Variants in KCNC1 observed in about 807,000 individuals in gnomAD.
The protein encoded by KCNC1 is voltage-gated potassium channel KCNC1.
Under a neutral mutation model 43.4 loss-of-function variants are expected in KCNC1, and 8 were observed. That is an observed-to-expected ratio of 0.18 (90% CI 0.11 to 0.33). The LOEUF (loss-of-function observed/expected upper bound fraction) is 0.33. Among genes scored for constraint, KCNC1 ranks in the 10% least tolerant of loss-of-function variants. The pLI, the probability that KCNC1 is intolerant of heterozygous loss-of-function variation, is 1.00. For missense variants in KCNC1, 420 were observed against 836.0 expected, an observed-to-expected ratio of 0.50 and a Z score of 6.14; for synonymous variants, 361 against 360.5, an observed-to-expected ratio of 1.00 and a Z score of -0.01.
intron 1 of KCNC1, among the ~76,000 whole-genome samples, chr11:17,748,301 G>C (rs1378364583): frequency 6.6e-6 from 1 of 152,158 alleles, no homozygotes; most frequent in East Asian, 1.9e-4. Flanking sequence ...AAAGCCCTGA[G>C]CAGCTGTGTG....
intron 1 of KCNC1, chr11:17,765,833 C>T (rs903340331): frequency 1.3e-5 from 2 of 152,318 alleles, no homozygotes; most frequent in African/African-American, 4.8e-5. Flanking sequence ...AGGCCTGGAT[C>T]CTGGGTGTGG....
chr11:17,771,589 GGGACT>G lies in KCNC1; in HGVS notation c.571-71_571-67del. The G allele has an allele frequency of 7.6e-7, 1 of 1,321,410 alleles. No homozygotes were observed. The allele number at this position is 1,321,410 out of a possible 1,614,324, so 81.9% of individuals were successfully genotyped here. A position where few individuals can be genotyped will look rare whatever the true frequency, so the allele number is the denominator to read the frequency against. On this transcript the variant is annotated intron_variant, in intron 1 of 3. Coordinates refer to ENST00000265969, the MANE Select transcript of KCNC1 (RefSeq NM_001112741.2). This position sits in a 1 kb window ranked among gnomAD's most constrained non-coding sequence, Gnocchi z 4.7. The stretch of plus-strand genomic sequence containing the variant: ...CTGGCATCTCCCCCCGCCTGGCCCT[GGGACT>G]GGACAGAGGCAACCCAGGCTTCTCC...
chr11:17,747,436 C>T (rs1250688832), intron 1 of KCNC1, among the ~76,000 whole-genome samples: 3 of 152,178 alleles, frequency 2.0e-5, no homozygotes, highest in Admixed American at 6.5e-5. Context: ...CCTCAGATGC[C>T]GACAAGTGTG....
intron 1 of KCNC1, among the ~76,000 whole-genome samples, chr11:17,748,876 G>T (rs554888265): frequency 6.6e-6 from 1 of 152,308 alleles, no homozygotes; most frequent in East Asian, 1.9e-4. Flanking sequence ...CTTCCTGAAG[G>T]TCTGTGGTGC....
Position 17,777,315 on chromosome 11 carries a change from G to GGAT in KCNC1, c.1505-2139_1505-2137dup. On this transcript the variant is annotated intron_variant, in intron 2 of 3. Coordinates refer to ENST00000265969, the MANE Select transcript of KCNC1 (RefSeq NM_001112741.2). This position sits in a 1 kb window ranked among gnomAD's most constrained non-coding sequence, Gnocchi z 4.3. Reference sequence around the variant, plus strand: ...GGCTGTGGACACCTCCCCTGGCAGAGGATGGCCAACAGAGACTCAGCAAGT... The same window carrying GGAT: ...GGCTGTGGACACCTCCCCTGGCAGAGGATGATGGCCAACAGAGACTCAGCAAGT... The GGAT allele has an allele frequency of 1.0e-6, 1 of 985,880 alleles. No homozygotes were observed. Among genetic ancestry groups the GGAT allele is most frequent in the Non-Finnish European group, 1.2e-6 (1 of 829,982 alleles). The allele number at this position is 985,880 out of a possible 1,614,324, so 61.1% of individuals were successfully genotyped here. A position where few individuals can be genotyped will look rare whatever the true frequency, so the allele number is the denominator to read the frequency against.
rs1012329839 is a variant in KCNC1, at chr11:17,777,824, CTTT to C, written c.1505-1630_1505-1628del. 7.1e-6 allele frequency: 7 copies of C among 986,340 alleles called. No individual in the cohort carries two copies. Among genetic ancestry groups the C allele is most frequent in the Non-Finnish European group, 8.4e-6 (7 of 830,084 alleles). The allele number at this position is 986,340 out of a possible 1,614,324, so 61.1% of individuals were successfully genotyped here. On this transcript the variant is annotated intron_variant, in intron 2 of 3. Transcript: ENST00000265969. This position sits in a 1 kb window ranked among gnomAD's most constrained non-coding sequence, Gnocchi z 4.3. ...GAATAAATCTGATTGGTCCATTTCT[CTTT>C]TGACTGACTGCCTCTTTGTAGTGAC...
chr11:17,763,815 ACAC>A (rs1222010295), intron 1 of KCNC1, among the ~76,000 whole-genome samples: 1 of 130,268 alleles, frequency 7.7e-6, no homozygotes, highest in African/African-American at 3.0e-5. Flanking sequence ...AGACCCCCAC[ACAC>A]CACCTCACAC....
chr11:17,740,087 C>CT (rs1471525957), intron 1 of KCNC1, among the ~76,000 whole-genome samples: 3 of 152,194 alleles, frequency 2.0e-5, no homozygotes, highest in Admixed American at 2.0e-4. Flanking sequence ...GCCACCTACC[C>CT]TGGGCCTTGG....
chr11:17,775,901 G>C, intron 2 of KCNC1: 5 of 985,548 alleles, frequency 5.1e-6, no homozygotes, highest in Non-Finnish European at 6.0e-6. Flanking sequence ...TTTGGCAAAG[G>C]GGTCTAAAGT....
In KCNC1 at chr11:17,779,293, AG is replaced by A. The variant is rs1849319851; in HGVS notation, c.1505-162del. 2 of 571,580 alleles carry A rather than the reference AG, an allele frequency of 3.5e-6. No individual in the cohort carries two copies. Among genetic ancestry groups the A allele is most frequent in the Non-Finnish European group, 6.0e-6 (2 of 332,506 alleles). The allele number at this position is 571,580 out of a possible 1,614,324, so 35.4% of individuals were successfully genotyped here. A position where few individuals can be genotyped will look rare whatever the true frequency, so the allele number is the denominator to read the frequency against. Reference sequence around the variant, plus strand: ...CCTGAATGAGCTGAACCCCCCACCAAGCCCCCTGCCTTGTGCCCTCCTCGCT... The same window carrying A: ...CCTGAATGAGCTGAACCCCCCACCAACCCCCTGCCTTGTGCCCTCCTCGCT... On this transcript the variant is annotated intron_variant, in intron 2 of 3. Transcript: ENST00000265969. This position sits in a 1 kb window ranked among gnomAD's most constrained non-coding sequence, Gnocchi z 7.2.
rs986097223 is a variant in KCNC1 at position 17,772,786 on chromosome 11, G to C, written c.1504+188G>C. On this transcript the variant is annotated intron_variant, in intron 2 of 3. Transcript: ENST00000265969. The stretch of plus-strand genomic sequence containing the variant: ...GGCCAAATTCAGCAGGCAAGAGCCT[G>C]CTAGAGGAACCTCACTGGTGCCCCT... 2.0e-6 allele frequency: 3 copies of C among 1,470,384 alleles called. No homozygotes were observed. In the African/African-American group the frequency reaches 4.2e-5, roughly 21 times the overall value. The allele number at this position is 1,470,384 out of a possible 1,614,324, so 91.1% of individuals were successfully genotyped here. A position where few individuals can be genotyped will look rare whatever the true frequency, so the allele number is the denominator to read the frequency against.
At chr11:17,775,575 C>T (rs1590108155) in intron 2 of KCNC1, 2 of 985,432 alleles carry the variant, frequency 2.0e-6, no homozygotes, top group Non-Finnish European at 2.4e-6. Flanking sequence ...ACTTCTCTCC[C>T]AGAAAGGGGC....
chr11:17,756,378 C>T (rs1296696356), intron 1 of KCNC1, among the ~76,000 whole-genome samples: 2 of 152,110 alleles, frequency 1.3e-5, no homozygotes, highest in Non-Finnish European at 2.9e-5. Context: ...GCTGTTTTTG[C>T]TCACCCTATA....
At chr11:17,765,362 G>C (rs1415552737) in intron 1 of KCNC1, among the ~76,000 whole-genome samples, 1 of 152,254 alleles carries the variant, frequency 6.6e-6, no homozygotes, top group Non-Finnish European at 1.5e-5. Context: ...ATAAATGAAA[G>C]TCATAGCACA....
At chr11:17,748,035 A>G (rs1848921062) in intron 1 of KCNC1, among the ~76,000 whole-genome samples, 1 of 152,214 alleles carries the variant, frequency 6.6e-6, no homozygotes, top group Non-Finnish European at 1.5e-5. Flanking sequence ...AGCATCTACT[A>G]TGTGACAGGT....
In KCNC1 at chr11:17,779,615, C is replaced by T. The variant is rs1006803225; in HGVS notation, c.1664C>T (p.Ala555Val). Residue 555 changes from alanine (A) to valine (V), a missense_variant, in exon 3 of 4, where the codon GCG becomes GTG. Ala to Val is a moderately conservative substitution (Grantham distance 64, BLOSUM62 0). Transcript: ENST00000265969. The surrounding 1 kb of genome is among the most constrained non-coding windows in gnomAD (Gnocchi z 7.2). ...TTCCTCTTATCAACCGGGGAGTACG[C>T]GTGCCCACCTGGTGGAGGAATGAGA... ...PCFLLSTGEY[A>V]CPPGGGMRKD... The T allele has an allele frequency of 1.7e-5, 26 of 1,549,406 alleles. No homozygotes were observed. The highest frequency in any genetic ancestry group is 2.0e-5 in the Admixed American group (1 of 50,460).
chr11:17,762,560 C>T (rs889396557), intron 1 of KCNC1, among the ~76,000 whole-genome samples: 10 of 152,314 alleles, frequency 6.6e-5, no homozygotes, highest in South Asian at 6.2e-4. Flanking sequence ...TGTGACGTCA[C>T]GGTCCTGCCG....
In KCNC1 at chr11:17,739,130, C is replaced by T. The variant is rs543327714; in HGVS notation, c.570+2558C>T. Among the ~76,000 whole-genome samples the T allele has an allele frequency of 6.6e-5, 10 of 152,262 alleles. No individual in the cohort carries two copies. The South Asian group carries it at 8.3e-4, about 13-fold the overall frequency. On this transcript the variant is annotated intron_variant, in intron 1 of 3. Transcript: ENST00000265969. This position sits in a 1 kb window ranked among gnomAD's most constrained non-coding sequence, Gnocchi z 4.2. The stretch of plus-strand genomic sequence containing the variant: ...TCCTCCCCCTCTGTCTTTGCTCTGC[C>T]GCCTCTGCTGTCACCTTTGTTTACC...
rs1351333008 is a variant in KCNC1 at position 17,739,360 on chromosome 11, G to T, written c.570+2788G>T. Among the ~76,000 whole-genome samples the T allele has an allele frequency of 9.8e-6, 1 of 102,352 alleles. No individual in the cohort carries two copies. Among genetic ancestry groups the T allele is most frequent in the African/African-American group, 3.5e-5 (1 of 28,602 alleles). 67.1% of individuals were successfully genotyped at this position (102,352 alleles called of 152,430 possible). A position where few individuals can be genotyped will look rare whatever the true frequency, so the allele number is the denominator to read the frequency against. ...GTGTGAGAATAAATGTGAGACTCCA[G>T]GCGTGTGTGTGTGTGTGTGTGTGTG... On this transcript the variant is annotated intron_variant, in intron 1 of 3. Coordinates refer to ENST00000265969, the MANE Select transcript of KCNC1 (RefSeq NM_001112741.2). This position sits in a 1 kb window ranked among gnomAD's most constrained non-coding sequence, Gnocchi z 4.2.
Sources: allele counts gnomAD v4.1 joint callset (sites outside exome capture counted in the v4.1 genomes callset), GRCh38; gene constraint gnomAD v4.1.1; non-coding constraint Gnocchi (gnomAD v3.1); transcripts MANE v1.5; gene names NCBI Gene and HGNC (gene_info 2026-07-23, HGNC 2026-07-21).